SPNS2: variants seen among roughly 807,000 people sequenced by gnomAD.
SPNS2 encodes sphingosine-1-phosphate transporter SPNS2.
SPNS2 carries 37 observed loss-of-function variants against 57.6 expected under a neutral mutation model. The observed-to-expected ratio is 0.64, with a 90% CI of 0.49 to 0.85. SPNS2 has a LOEUF of 0.85. Ranked by LOEUF, SPNS2 falls within the 40% of genes least tolerant of loss-of-function variation. SPNS2 has a pLI of 0.00. For synonymous variants in SPNS2, 440 were observed against 346.9 expected (o/e 1.27, Z -2.98); for missense variants, 831 against 779.1 (o/e 1.07, Z -0.79).
chr17:4,536,584 C>T (rs1905823696), intron 11 of SPNS2, 158 bp downstream of exon 11: 2 of 946,420 alleles, frequency 2.1e-6, no homozygotes, highest in African/African-American at 1.7e-5. Flanking sequence ...AGGCCCAGTG[C>T]CAGGGTCAGC....
At chr17:4,520,745 G>A (rs1401559776) in intron 2 of SPNS2, among the ~76,000 whole-genome samples, 1 of 152,102 alleles carries the variant, frequency 6.6e-6, no homozygotes, top group African/African-American at 2.4e-5. Flanking sequence ...CAAGGACTCT[G>A]GAGTCTGCCA....
At position 4,510,694 on chromosome 17, in the gene SPNS2, G is replaced by A. The variant is rs949144666; in HGVS notation, c.371-2553G>A. On this transcript the variant is annotated intron_variant, in intron 1 of 12. Transcript: ENST00000329078. The surrounding 1 kb of genome is among the most constrained non-coding windows in gnomAD (Gnocchi z 4.4). ...TCCTCCTGACTCCGCCCATCCTCTTGTCCACCCGACACCAAAATCGTGACT... is the reference window on the plus strand; with the variant it reads ...TCCTCCTGACTCCGCCCATCCTCTTATCCACCCGACACCAAAATCGTGACT... 1.3e-5 allele frequency among the ~76,000 whole-genome samples: 2 copies of A among 152,110 alleles called. No individual in the cohort carries two copies. Among genetic ancestry groups the A allele is most frequent in the Admixed American group, 6.5e-5 (1 of 15,270 alleles).
chr17:4,536,077 A>T lies in SPNS2; in HGVS notation c.1346A>T (p.Tyr449Phe). The change falls in exon 10 of 13, where the codon TAC becomes TTC. Residue 449 changes from tyrosine to phenylalanine, a missense_variant and splice_region_variant. By Grantham distance (22) the Tyr-to-Phe change is conservative. Transcript: ENST00000329078. ...NWAITADILMYVVIPTRRATA... is the reference protein window; with the variant it reads ...NWAITADILMFVVIPTRRATA... ...CTGACCTGCCCGCCTGTTCCGCAGT[A>T]CGTGGTCATCCCCACGCGGCGCGCC... The T allele has an allele frequency of 6.2e-7, 1 of 1,610,956 alleles. No homozygotes were observed. Among genetic ancestry groups the T allele is most frequent in the Non-Finnish European group, 8.5e-7 (1 of 1,179,502 alleles).
chr17:4,502,899 T>C lies in SPNS2; in HGVS notation c.370+3482T>C, dbSNP rs544545086. Among the ~76,000 whole-genome samples, 10 of 152,294 alleles carry C rather than the reference T, an allele frequency of 6.6e-5. No individual in the cohort carries two copies. The East Asian group carries it at 1.7e-3, about 26-fold the overall frequency. Reference sequence around the variant, plus strand: ...GGGCTGGTCTCCATCCTGGGAACTCTAGTAGCTTCTGCCCCAGCGCCACCC... The same window carrying C: ...GGGCTGGTCTCCATCCTGGGAACTCCAGTAGCTTCTGCCCCAGCGCCACCC... On this transcript the variant is annotated intron_variant, in intron 1 of 12. Coordinates refer to ENST00000329078, the MANE Select transcript of SPNS2 (RefSeq NM_001124758.3).
chr17:4,535,723 G>A (rs1453227969), intron 9 of SPNS2, among the ~76,000 whole-genome samples: 2 of 152,160 alleles, frequency 1.3e-5, no homozygotes, highest in East Asian at 3.9e-4. Context: ...AGAGGGGTGT[G>A]CTGGGGGCAC....
intron 1 of SPNS2, among the ~76,000 whole-genome samples, chr17:4,506,595 C>T (rs1319494374): frequency 6.6e-6 from 1 of 152,190 alleles, no homozygotes; most frequent in Non-Finnish European, 1.5e-5. Context: ...AGCCCGGCCC[C>T]GCCCACTCTT....
intron 2 of SPNS2, among the ~76,000 whole-genome samples, chr17:4,515,988 A>G (rs1904974510): frequency 1.3e-5 from 2 of 152,210 alleles, no homozygotes; most frequent in Admixed American, 1.3e-4. Flanking sequence ...CAGGAGCCAT[A>G]TCTCAGGCTC....
At position 4,510,814 on chromosome 17, in the gene SPNS2, C is replaced by T. The variant is rs1212340053; in HGVS notation, c.371-2433C>T. Among the ~76,000 whole-genome samples, 1 of 152,148 alleles carries T rather than the reference C, an allele frequency of 6.6e-6. No individual in the cohort carries two copies. Among genetic ancestry groups the T allele is most frequent in the Non-Finnish European group, 1.5e-5 (1 of 68,028 alleles). On this transcript the variant is annotated intron_variant, in intron 1 of 12. Transcript: ENST00000329078. This position sits in a 1 kb window ranked among gnomAD's most constrained non-coding sequence, Gnocchi z 4.4. ...AGAAACATTCACCCACGTGTAAAGTCCCTGTGGGTTATGTGTGTGCTGGGC... is the reference window on the plus strand; with the variant it reads ...AGAAACATTCACCCACGTGTAAAGTTCCTGTGGGTTATGTGTGTGCTGGGC...
chr17:4,530,610 C>G (rs1341883274), intron 3 of SPNS2, 22 bp from the exon 4 acceptor site: 2 of 1,601,180 alleles, frequency 1.2e-6, no homozygotes. Context: ...GGTCCCCCAG[C>G]ATCCTCCACC....
In SPNS2 at chr17:4,530,792, C is replaced by T. The variant is rs202173118; in HGVS notation, c.725+9C>T. On this transcript the variant is annotated intron_variant, in intron 4 of 12. Coordinates refer to ENST00000329078, the MANE Select transcript of SPNS2 (RefSeq NM_001124758.3). ...GCCATCCCACTGGGCAGGTGAGAGCCGGAGATGCCAGGGTCTGGGTGAGGA... is the reference window on the plus strand; with the variant it reads ...GCCATCCCACTGGGCAGGTGAGAGCTGGAGATGCCAGGGTCTGGGTGAGGA... 6.1e-5 allele frequency: 98 copies of T among 1,609,530 alleles called. 1 individual carries two copies. The African/African-American group carries it at 8.4e-4, about 14-fold the overall frequency.
At chr17:4,505,294 C>T (rs1196968967) in intron 1 of SPNS2, among the ~76,000 whole-genome samples, 1 of 152,190 alleles carries the variant, frequency 6.6e-6, no homozygotes, top group African/African-American at 2.4e-5. Context: ...ACCTGCCTGA[C>T]CCAAAGCACA....
At chr17:4,534,166 C>G (rs775879118) in intron 9 of SPNS2, among the ~76,000 whole-genome samples, 1 of 152,258 alleles carries the variant, frequency 6.6e-6, no homozygotes, top group South Asian at 2.1e-4. Context: ...GCCTGCCCGC[C>G]CTCCTCCCCC....
At chr17:4,528,697 G>A (rs1013382067) in intron 3 of SPNS2, among the ~76,000 whole-genome samples, 14 of 152,046 alleles carry the variant, frequency 9.2e-5, no homozygotes, top group Admixed American at 2.6e-4. Context: ...GGCTGGTCTC[G>A]AACTCCTGAC....
chr17:4,538,842 C>T lies in SPNS2; in HGVS notation c.*1394C>T, dbSNP rs998769547. On this transcript the variant is annotated 3_prime_UTR_variant, in exon 13 of 13. Coordinates refer to ENST00000329078, the MANE Select transcript of SPNS2 (RefSeq NM_001124758.3). ...TCCTCCAAAGACCAGCCTCCACCCCCACTCCAGCCTCAGCGGGGCCCCAGC... is the reference window on the plus strand; with the variant it reads ...TCCTCCAAAGACCAGCCTCCACCCCTACTCCAGCCTCAGCGGGGCCCCAGC... 1 of 778,708 alleles carries T rather than the reference C, an allele frequency of 1.3e-6. No individual in the cohort carries two copies. The highest frequency in any genetic ancestry group is 1.3e-5 in the South Asian group (1 of 74,400). 48.2% of individuals were successfully genotyped at this position (778,708 alleles called of 1,614,324 possible).
chr17:4,535,267 C>T (rs1905721199), intron 9 of SPNS2, among the ~76,000 whole-genome samples: 1 of 152,172 alleles, frequency 6.6e-6, no homozygotes, highest in Non-Finnish European at 1.5e-5. Flanking sequence ...TGGGGCCCAG[C>T]AGTGCCGGCA....
intron 9 of SPNS2, 57 bp downstream of exon 9, chr17:4,533,910 CA>C: frequency 6.8e-7 from 1 of 1,460,026 alleles, no homozygotes; most frequent in East Asian, 2.4e-5. Context: ...CTTGACCTCA[CA>C]GGGGTGCCTG....
At position 4,511,325 on chromosome 17, in the gene SPNS2, C is replaced by T. The variant is rs1345415551; in HGVS notation, c.371-1922C>T. 1.3e-5 allele frequency among the ~76,000 whole-genome samples: 2 copies of T among 152,148 alleles called. No individual in the cohort carries two copies. Among genetic ancestry groups the T allele is most frequent in the Non-Finnish European group, 2.9e-5 (2 of 68,024 alleles). Reference sequence around the variant, plus strand: ...AAGTGGCAGGAGTGAGCCTGGTTGACGGAGTTGTACCAGAATAGAAGAGGA... The same window carrying T: ...AAGTGGCAGGAGTGAGCCTGGTTGATGGAGTTGTACCAGAATAGAAGAGGA... On this transcript the variant is annotated intron_variant, in intron 1 of 12. Coordinates refer to ENST00000329078, the MANE Select transcript of SPNS2 (RefSeq NM_001124758.3). This position sits in a 1 kb window ranked among gnomAD's most constrained non-coding sequence, Gnocchi z 4.6.
Position 4,531,052 on chromosome 17 carries a change from G to A in SPNS2, c.726-1G>A. On this transcript the variant is annotated splice_acceptor_variant, in intron 4 of 12. Coordinates refer to ENST00000329078, the MANE Select transcript of SPNS2 (RefSeq NM_001124758.3). LOFTEE classifies it high-confidence loss of function. ...GCCTGACGTGTGTCTCTTCTCTGCA[G>A]TGGCCTGGGCTACATTACTGGCTCC... is the stretch of plus-strand genomic sequence containing the variant. The A allele has an allele frequency of 6.2e-7, 1 of 1,614,032 alleles. No individual in the cohort carries two copies. Among genetic ancestry groups the A allele is most frequent in the South Asian group, 1.1e-5 (1 of 91,066 alleles).
At chr17:4,536,030 G>C (rs372928162) in intron 9 of SPNS2, 46 bp from the exon 10 acceptor site, 5 of 1,566,598 alleles carry the variant, frequency 3.2e-6, no homozygotes, top group South Asian at 2.2e-5. Context: ...GGCCAAGCGC[G>C]TGAGCCTTTC....
Sources: allele counts gnomAD v4.1 joint callset (sites outside exome capture counted in the v4.1 genomes callset), GRCh38; gene constraint gnomAD v4.1.1; non-coding constraint Gnocchi (gnomAD v3.1); transcripts MANE v1.5; gene names NCBI Gene and HGNC (gene_info 2026-07-23, HGNC 2026-07-21).